The following WFDC2 variants were observed in gnomAD, a reference collection of about 807,000 sequenced individuals.
WFDC2 encodes WAP four-disulfide core domain protein 2.
Under a neutral mutation model 12.5 loss-of-function variants are expected in WFDC2, and 8 were observed. The ratio of observed to expected loss-of-function variants is 0.64; its 90% confidence interval spans 0.37 to 1.15. The LOEUF is 1.15. Ranked by LOEUF, WFDC2 falls within the 50% of genes most tolerant of loss-of-function variation. WFDC2 has a pLI of 0.01. For synonymous variants in WFDC2, 74 were observed against 67.2 expected, an observed-to-expected ratio of 1.10 and a Z score of -0.49; for missense variants, 166 against 159.9, an observed-to-expected ratio of 1.04 and a Z score of -0.21.
chr20:45,480,191 A>G (rs1991285054), intron 3 of WFDC2, 97 bp downstream of exon 3: 1 of 1,546,952 alleles, frequency 6.5e-7, no homozygotes, highest in Non-Finnish European at 8.8e-7. Context: ...GGTTAGTTGC[A>G]GGGACAGTTG....
chr20:45,476,329 T>A (rs4449202), intron 2 of WFDC2, among the ~76,000 whole-genome samples: 1 of 152,170 alleles, frequency 6.6e-6, no homozygotes, highest in Non-Finnish European at 1.5e-5. Flanking sequence ...TTCCTTTCTA[T>A]GTTTAGTGCT....
chr20:45,478,971 A>G (rs1390746242), intron 2 of WFDC2, among the ~76,000 whole-genome samples: 1 of 152,246 alleles, frequency 6.6e-6, no homozygotes, highest in African/African-American at 2.4e-5. Context: ...TTTTACACAC[A>G]AAAACCTGCA....
rs1351230238 is a variant in WFDC2, at chr20:45,479,703, A to G, written c.224-239A>G. 1.9e-6 allele frequency: 3 copies of G among 1,614,064 alleles called. No individual in the cohort carries two copies. The Admixed American group carries it at 5.0e-5, about 27-fold the overall frequency. On this transcript the variant is annotated intron_variant, in intron 2 of 3. Transcript: ENST00000372676. ...GGGAGATTTCTGGCCCTAGGCCACG[A>G]AGGCCCACTTGGGACTCAAGCTGAG...
intron 2 of WFDC2, among the ~76,000 whole-genome samples, chr20:45,478,485 C>T (rs1332661792): frequency 6.6e-6 from 1 of 152,182 alleles, no homozygotes; most frequent in Non-Finnish European, 1.5e-5. Flanking sequence ...CCTCCGTGGG[C>T]TGCACCCACT....
At chr20:45,471,605 C>T (rs1991173338) in intron 2 of WFDC2, among the ~76,000 whole-genome samples, 1 of 152,146 alleles carries the variant, frequency 6.6e-6, no homozygotes, top group African/African-American at 2.4e-5. Flanking sequence ...TCATGAGTCC[C>T]CTCCTCTGGG....
chr20:45,479,492 G>A (rs865853689), intron 2 of WFDC2: 34 of 625,272 alleles, frequency 5.4e-5, no homozygotes, highest in Middle Eastern at 5.3e-4. Flanking sequence ...GTTAATATAT[G>A]TTAGGGGCTT....
intron 2 of WFDC2, chr20:45,479,353 C>T: frequency 4.8e-6 from 2 of 417,704 alleles, no homozygotes. Flanking sequence ...GGTTCAAATT[C>T]TGCCTCAATT....
chr20:45,476,374 T>C (rs1991233490), intron 2 of WFDC2, among the ~76,000 whole-genome samples: 1 of 152,236 alleles, frequency 6.6e-6, no homozygotes, highest in African/African-American at 2.4e-5. Context: ...GGCCTGTTGA[T>C]GAGAAAAATC....
chr20:45,479,565 A>C (rs1328480321), intron 2 of WFDC2: 1 of 1,074,624 alleles, frequency 9.3e-7, no homozygotes, highest in Non-Finnish European at 1.4e-6. Flanking sequence ...ATAACTACAG[A>C]GTAGTTTGAT....
At chr20:45,474,597 T>G (rs941749918) in intron 2 of WFDC2, among the ~76,000 whole-genome samples, 11 of 152,242 alleles carry the variant, frequency 7.2e-5, no homozygotes, top group Admixed American at 7.2e-4. Flanking sequence ...TATTAAGGAT[T>G]TTCGCACTGA....
intron 3 of WFDC2, among the ~76,000 whole-genome samples, chr20:45,480,779 T>C (rs1991292612): frequency 6.6e-6 from 1 of 151,898 alleles, no homozygotes; most frequent in African/African-American, 2.4e-5. Flanking sequence ...AGAGAGGGGG[T>C]GTGCTCTTGG....
chr20:45,480,629 A>G (rs970613005), intron 3 of WFDC2, among the ~76,000 whole-genome samples: 7 of 152,118 alleles, frequency 4.6e-5, no homozygotes, highest in African/African-American at 1.7e-4. Flanking sequence ...AATTAAAAAC[A>G]AACAAACAAA....
chr20:45,471,070 AG>A (rs1159515957), intron 2 of WFDC2: 2 of 464,860 alleles, frequency 4.3e-6, no homozygotes, highest in Non-Finnish European at 9.0e-6. Flanking sequence ...AGCATCGGTG[AG>A]AAAAAAATGT....
chr20:45,473,264 T>C (rs1991194899), intron 2 of WFDC2, among the ~76,000 whole-genome samples: 1 of 152,262 alleles, frequency 6.6e-6, no homozygotes, highest in Non-Finnish European at 1.5e-5. Context: ...CCCATGCCTA[T>C]GTCCTGAATG....
chr20:45,478,475 C>T (rs2145506381), intron 2 of WFDC2, among the ~76,000 whole-genome samples: 1 of 152,270 alleles, frequency 6.6e-6, no homozygotes, highest in Non-Finnish European at 1.5e-5. Context: ...TTCTGCTCGC[C>T]CTCCGTGGGC....
At chr20:45,479,164 G>T (rs907500053) in intron 2 of WFDC2, among the ~76,000 whole-genome samples, 6 of 152,182 alleles carry the variant, frequency 3.9e-5, no homozygotes, top group Non-Finnish European at 5.9e-5. Context: ...ATGAATGAGT[G>T]TATTTGGAGG....
chr20:45,479,395 T>C (rs1991272332), intron 2 of WFDC2: 1 of 501,208 alleles, frequency 2.0e-6, no homozygotes, highest in Non-Finnish European at 3.5e-6. Context: ...ACTTAACTTC[T>C]CAGTGCCTCA....
intron 2 of WFDC2, among the ~76,000 whole-genome samples, chr20:45,474,435 CAT>C (rs1249614240): frequency 6.6e-6 from 1 of 152,128 alleles, no homozygotes; most frequent in Non-Finnish European, 1.5e-5. Context: ...TTGAGATAAT[CAT>C]GTGGTTTTTG....
chr20:45,478,378 G>A (rs185980252), intron 2 of WFDC2, among the ~76,000 whole-genome samples: 34 of 152,180 alleles, frequency 2.2e-4, no homozygotes, highest in African/African-American at 7.0e-4. Context: ...TATTCCTCAC[G>A]GCACAGTCCC....
Sources: allele counts gnomAD v4.1 joint callset (sites outside exome capture counted in the v4.1 genomes callset), GRCh38; gene constraint gnomAD v4.1.1; transcripts MANE v1.5; gene names NCBI Gene and HGNC (gene_info 2026-07-23, HGNC 2026-07-21).